Variants in NLRC5 observed in about 807,000 individuals in gnomAD.
The protein encoded by NLRC5 is protein NLRC5.
NLRC5 carries 114 observed loss-of-function variants against 206.9 expected under a neutral mutation model. The ratio of observed to expected loss-of-function variants is 0.55; its 90% CI spans 0.47 to 0.64. The LOEUF (loss-of-function observed/expected upper bound fraction) is 0.64, where lower values mean the gene tolerates loss of function less well. Ranked by LOEUF, NLRC5 falls within the 30% of genes least tolerant of loss-of-function variation. The pLI is 0.00. For synonymous variants in NLRC5, 952 were observed against 962.8 expected, an observed-to-expected ratio of 0.99 and a Z score of 0.21; for missense variants, 2,008 against 2,305.5, an observed-to-expected ratio of 0.87 and a Z score of 2.64.
At chr16:57,070,003 C>A in intron 37 of NLRC5, 84 bp downstream of exon 37, 1 of 1,135,130 alleles carries the variant, frequency 8.8e-7, no homozygotes, top group Non-Finnish European at 1.3e-6. Context: ...TTTGGGAGGG[C>A]AGGCAATGAG....
chr16:57,081,176 A>G lies in NLRC5; in HGVS notation c.5400A>G (p.Arg1800=). 1.9e-6 allele frequency: 3 copies of G among 1,540,742 alleles called. No homozygotes were observed. The highest frequency in any genetic ancestry group is 2.6e-6 in the Non-Finnish European group (3 of 1,147,186). ...TGCCGCAGATGGGCCGGCTGAAGAGAGTGGAGTATGAGGGGCCGGGGGAGG... is the reference window on the plus strand; with the variant it reads ...TGCCGCAGATGGGCCGGCTGAAGAGGGTGGAGTATGAGGGGCCGGGGGAGG... ...QVLPQMGRLK[R]VDLEKNQITA... The change falls in exon 47 of 49, where the codon AGA becomes AGG. Residue 1800 remains arginine (R), a synonymous_variant. Coordinates refer to ENST00000688547, the MANE Select transcript of NLRC5 (RefSeq NM_001384950.1).
chr16:57,045,215 C>G (rs1393614962), intron 20 of NLRC5: 1 of 537,508 alleles, frequency 1.9e-6, no homozygotes, highest in African/African-American at 1.9e-5. Context: ...TTCGAAACAA[C>G]AACAAAGAAG....
chr16:57,023,643 G>C, intron 4 of NLRC5, 142 bp from the exon 5 acceptor site: 1 of 608,986 alleles, frequency 1.6e-6, no homozygotes, highest in South Asian at 2.2e-5. Flanking sequence ...TCTGCCTGCT[G>C]CCTGCCTTTC....
At chr16:57,018,900 TG>T (rs1228532040) in intron 2 of NLRC5, among the ~76,000 whole-genome samples, 1 of 152,216 alleles carries the variant, frequency 6.6e-6, no homozygotes, top group African/African-American at 2.4e-5. Context: ...ACATTTAGGT[TG>T]TTTCCAATTT....
rs114981094 is a variant in NLRC5, at chr16:57,002,975, G to A, written c.-128+13358G>A. ...TAGTTTTTTGAGGTACCTCCGAACT[G>A]TCCTGTAGTGGCTGTACTAATTTAC... is the stretch of plus-strand genomic sequence containing the variant. On this transcript the variant is annotated intron_variant, in intron 1 of 48. Coordinates refer to ENST00000688547, the MANE Select transcript of NLRC5 (RefSeq NM_001384950.1). 5.3e-3 allele frequency among the ~76,000 whole-genome samples: 803 copies of A among 152,078 alleles called. 5 individuals carry two copies. Among genetic ancestry groups the A allele is most frequent in the African/African-American group, 0.019 (771 of 41,484 alleles).
intron 1 of NLRC5, among the ~76,000 whole-genome samples, chr16:56,993,633 G>A (rs1047212904): frequency 6.6e-6 from 1 of 152,112 alleles, no homozygotes; most frequent in Admixed American, 6.6e-5. Context: ...TCTGGGAGAC[G>A]AACAATGGTG....
chr16:56,990,826 T>C (rs2056731062), intron 1 of NLRC5: 1 of 152,136 alleles, frequency 6.6e-6, no homozygotes, highest in Non-Finnish European at 1.5e-5. Context: ...ATGTATCTGA[T>C]GCTTTTCAGG....
Position 57,063,106 on chromosome 16 carries a change from C to CTTT in NLRC5, c.4154+1426_4154+1428dup, listed in dbSNP as rs34897333. The stretch of plus-strand genomic sequence containing the variant: ...GTGTCACTGTGTCAGACTTTCCTTC[C>CTTT]TTTTTTTTTTTTTTTTTTTTTTTGA... On this transcript the variant is annotated intron_variant, in intron 32 of 48. Transcript: ENST00000688547. 8.0e-4 allele frequency among the ~76,000 whole-genome samples: 76 copies of CTTT among 95,054 alleles called. 1 individual carries two copies. Among genetic ancestry groups the CTTT allele is most frequent in the Middle Eastern group, 9.1e-3 (1 of 110 alleles). 62.4% of individuals were successfully genotyped at this position (95,054 alleles called of 152,430 possible).
intron 34 of NLRC5, 29 bp downstream of exon 34, chr16:57,066,643 C>CAGG: frequency 6.3e-7 from 1 of 1,594,666 alleles, no homozygotes; most frequent in Non-Finnish European, 8.6e-7. Flanking sequence ...GACCCCAAGG[C>CAGG]AGGGGCTGGT....
chr16:57,060,582 C>T (rs1236577581), intron 30 of NLRC5, among the ~76,000 whole-genome samples: 1 of 151,674 alleles, frequency 6.6e-6, no homozygotes, highest in Non-Finnish European at 1.5e-5. Context: ...ACATACATAC[C>T]TGGCACATTA....
chr16:57,070,584 GC>G lies in NLRC5; in HGVS notation c.4636del (p.Glu1547ArgfsTer6), dbSNP rs756890617. The G allele has an allele frequency of 1.2e-5, 19 of 1,613,880 alleles. No individual in the cohort carries two copies. The highest frequency in any genetic ancestry group is 2.7e-5 in the African/African-American group (2 of 74,934). On this transcript the variant is annotated frameshift_variant, in exon 38 of 49. Coordinates refer to ENST00000688547, the MANE Select transcript of NLRC5 (RefSeq NM_001384950.1). LOFTEE classifies it high-confidence loss of function. ...GGAGGGCACCAAGGCGCTGATGAGG[GC>G]CCTTGAGGGGAAATGGATGCTAAAG... Reference protein sequence around the residue: ...DEEGTKALMRALEGKWMLKRL... With the variant: ...DEEGTKALMRXLEGKWMLKRL...
intron 32 of NLRC5, 199 bp downstream of exon 32, chr16:57,061,900 C>G (rs1333644303): frequency 3.3e-6 from 5 of 1,533,578 alleles, no homozygotes; most frequent in Non-Finnish European, 3.5e-6. Flanking sequence ...CTTCCCCACA[C>G]TGGAGGCCTG....
chr16:57,024,723 A>G (rs575001759), intron 5 of NLRC5, among the ~76,000 whole-genome samples: 25 of 152,334 alleles, frequency 1.6e-4, no homozygotes, highest in South Asian at 8.3e-4. Flanking sequence ...AAGATATTGC[A>G]AAGTAGCTGG....
intron 1 of NLRC5, among the ~76,000 whole-genome samples, chr16:56,993,448 C>T (rs1002865153): frequency 2.0e-5 from 3 of 152,128 alleles, no homozygotes; most frequent in African/African-American, 7.2e-5. Flanking sequence ...GGTCAGGCAT[C>T]ATTTTTCATA....
chr16:57,020,674 A>T (rs2060584111), intron 2 of NLRC5, 27 bp from the exon 3 acceptor site: 1 of 1,534,770 alleles, frequency 6.5e-7, no homozygotes, highest in Non-Finnish European at 8.8e-7. Flanking sequence ...GTCCCCCTCA[A>T]CTCACCTATC....
intron 21 of NLRC5, 144 bp from the exon 22 acceptor site, chr16:57,046,408 G>A (rs967478354): frequency 1.4e-5 from 9 of 636,284 alleles, no homozygotes; most frequent in Non-Finnish European, 2.5e-5. Context: ...ATGCCTTCCA[G>A]CCCTGACTTT....
At chr16:57,070,248 G>GT (rs1555538448) in intron 37 of NLRC5, among the ~76,000 whole-genome samples, 70 of 149,932 alleles carry the variant, frequency 4.7e-4, no homozygotes, top group Admixed American at 8.6e-4. Flanking sequence ...AGAACAAGAG[G>GT]GTGTGTGTGT....
At chr16:57,051,648 CG>C in intron 24 of NLRC5, 27 bp downstream of exon 24, 1 of 1,582,052 alleles carries the variant, frequency 6.3e-7, no homozygotes. Flanking sequence ...TCCTATTTCC[CG>C]GTTCCTTGTG....
In NLRC5 at chr16:57,029,794, T is replaced by C. The variant is rs746649204; in HGVS notation, c.2265T>C (p.Ser755=). The change falls in exon 9 of 49, where the codon AGT becomes AGC. Residue 755 remains serine, a synonymous_variant. Transcript: ENST00000688547. ...GCAGTTTTCGGGACAACCAGCTCAG[T>C]GACCAGGTGGTGCTGAACATTGTGG... is the stretch of plus-strand genomic sequence containing the variant. ...KEVSFRDNQL[S]DQVVLNIVEV... 3 of 1,614,042 alleles carry C rather than the reference T, an allele frequency of 1.9e-6. No homozygotes were observed. The East Asian group carries it at 6.7e-5, about 36-fold the overall frequency.
Sources: gnomAD v4.1 joint callset for allele counts (sites outside exome capture counted in the v4.1 genomes callset) on GRCh38, gnomAD v4.1.1 for gene constraint, MANE v1.5 for transcripts, NCBI Gene and HGNC (gene_info 2026-07-23, HGNC 2026-07-21) for gene names.